SLC25A51: variants seen among roughly 807,000 people sequenced by gnomAD.
SLC25A51 encodes solute carrier family 25 member 51.
A neutral mutation model predicts 19.1 loss-of-function variants in SLC25A51; 11 were observed. The observed-to-expected ratio is 0.58, with a 90% CI of 0.36 to 0.96. The LOEUF (loss-of-function observed/expected upper bound fraction) is 0.96. SLC25A51 is among the 40% of genes least tolerant of loss of function. The pLI, the probability that SLC25A51 is intolerant of heterozygous loss-of-function variation, is 0.01. For missense variants in SLC25A51, 201 were observed against 365.4 expected, an observed-to-expected ratio of 0.55 and a Z score of 3.67; for synonymous variants, 105 against 133.6, an observed-to-expected ratio of 0.79 and a Z score of 1.47.
chr9:37,885,067 C>T (rs991564546), downstream of SLC25A51, among the ~76,000 whole-genome samples: 1 of 151,940 alleles, frequency 6.6e-6, no homozygotes, highest in African/African-American at 2.4e-5. Flanking sequence ...CTGTTCTGCC[C>T]CTTTGTCATA....
In SLC25A51 at chr9:37,888,043, C is replaced by T. The variant is rs1831501675; in HGVS notation, c.508G>A (p.Gly170Arg). Residue 170 changes from glycine (G) to arginine (R), a missense_variant, in exon 3 of 3, where the codon GGA (glycine) becomes AGA (arginine). Physicochemically the swap from Gly to Arg is moderately radical, Grantham distance 125. Transcript: ENST00000242275. Reference sequence around the variant, plus strand: ...GGCACCAAGCCTCGATAATACTCTCCAATTCCATGACATTTCAGTGCCTTG... The same window carrying T: ...GGCACCAAGCCTCGATAATACTCTCTAATTCCATGACATTTCAGTGCCTTG... Reference protein sequence around the residue: ...AFKALKCHGIGEYYRGLVPIL... With the variant: ...AFKALKCHGIREYYRGLVPIL... 3 of 1,613,374 alleles carry T rather than the reference C, an allele frequency of 1.9e-6. No homozygotes were observed. The highest frequency in any genetic ancestry group is 2.5e-6 in the Non-Finnish European group (3 of 1,179,870).
At chr9:37,898,232 A>G (rs73451252) in intron 2 of SLC25A51, among the ~76,000 whole-genome samples, 11,216 of 152,192 alleles carry the variant, frequency 0.074, 1,138 homozygotes, top group African/African-American at 0.23. Context: ...CCAACATGGC[A>G]AAACCCTATC....
intron 2 of SLC25A51, among the ~76,000 whole-genome samples, chr9:37,882,552 T>C (rs1169963196): frequency 1.3e-5 from 2 of 152,220 alleles, no homozygotes; most frequent in African/African-American, 4.8e-5. Context: ...CATGTTAAGA[T>C]GAATATCGAC....
At chr9:37,885,974 A>T, downstream of SLC25A51, 1 of 1,613,678 alleles carries the variant, frequency 6.2e-7, no homozygotes, top group South Asian at 1.1e-5. Flanking sequence ...GGTCACTTGG[A>T]TTGTGGAGTT....
chr9:37,890,334 T>G (rs922854600), intron 2 of SLC25A51, among the ~76,000 whole-genome samples: 1 of 152,140 alleles, frequency 6.6e-6, no homozygotes, highest in Non-Finnish European at 1.5e-5. Flanking sequence ...CAGTGAGCCA[T>G]GATTGCACCA....
At chr9:37,878,784 T>C (rs1831299070), downstream of SLC25A51, 1 of 160,504 alleles carries the variant, frequency 6.2e-6, no homozygotes, top group African/African-American at 2.4e-5. Context: ...AAAGACAGTC[T>C]TTTAATCATA....
chr9:37,877,782 T>A (rs1034318487), downstream of SLC25A51, among the ~76,000 whole-genome samples: 1 of 151,988 alleles, frequency 6.6e-6, no homozygotes, highest in African/African-American at 2.4e-5. Context: ...CTGAGGTGGG[T>A]GGATCACTTG....
At chr9:37,891,406 C>T (rs181670430) in intron 2 of SLC25A51, among the ~76,000 whole-genome samples, 2,248 of 152,106 alleles carry the variant, frequency 0.015, 25 homozygotes, top group Middle Eastern at 0.037. Flanking sequence ...GCGGTTTTGT[C>T]GAATAGAAAA....
At chr9:37,897,168 T>C (rs1486631857) in intron 2 of SLC25A51, among the ~76,000 whole-genome samples, 3 of 152,182 alleles carry the variant, frequency 2.0e-5, no homozygotes, top group Non-Finnish European at 4.4e-5. Context: ...ATAGATATTA[T>C]TTCTTACATC....
At chr9:37,903,691 C>T (rs930329502) in intron 1 of SLC25A51, 9 of 152,330 alleles carry the variant, frequency 5.9e-5, no homozygotes, top group African/African-American at 2.2e-4. Context: ...GCGGTGCCAT[C>T]CCCGCTGTCC....
chr9:37,883,402 A>G (rs1480725142), downstream of SLC25A51, among the ~76,000 whole-genome samples: 3 of 152,264 alleles, frequency 2.0e-5, no homozygotes, highest in African/African-American at 7.2e-5. Context: ...ACCATTAAAA[A>G]TATTTATTAA....
Position 37,887,873 on chromosome 9 carries a change from T to A in SLC25A51, c.678A>T (p.Gly226=), listed in dbSNP as rs1484446036. The change falls in exon 3 of 3, where the codon GGA becomes GGT. Residue 226 remains glycine (G), a synonymous_variant. Transcript: ENST00000242275. ...ICGGLLGAML[G]FLFFPINVVK... is the part of the protein sequence containing the mutation. ...CAACATTAATTGGAAAAAACAAGAA[T>A]CCCAACATGGCACCCAATAGACCTC... is the stretch of plus-strand genomic sequence containing the variant. The A allele has an allele frequency of 1.1e-5, 18 of 1,611,856 alleles. No homozygotes were observed. Among genetic ancestry groups the A allele is most frequent in the Admixed American group, 3.3e-5 (2 of 59,976 alleles).
intron 1 of SLC25A51, among the ~76,000 whole-genome samples, chr9:37,900,362 T>C (rs1831820030): frequency 2.0e-5 from 3 of 151,624 alleles, no homozygotes; most frequent in South Asian, 4.2e-4. Context: ...GGCAGGAGAA[T>C]TGCTTGAACC....
intron 1 of SLC25A51, among the ~76,000 whole-genome samples, chr9:37,901,008 G>C (rs1831834528): frequency 1.3e-5 from 2 of 152,120 alleles, no homozygotes; most frequent in South Asian, 4.2e-4. Context: ...TGGGACCACA[G>C]GCCCGCACCA....
At chr9:37,886,737 G>C (rs1220440420), downstream of SLC25A51, among the ~76,000 whole-genome samples, 1 of 152,178 alleles carries the variant, frequency 6.6e-6, no homozygotes, top group East Asian at 1.9e-4. Context: ...TTCCTTCTTA[G>C]TCAACCTGCA....
At chr9:37,894,624 C>A (rs1470523879) in intron 2 of SLC25A51, among the ~76,000 whole-genome samples, 1 of 152,098 alleles carries the variant, frequency 6.6e-6, no homozygotes, top group Non-Finnish European at 1.5e-5. Flanking sequence ...CTGGCCTGGC[C>A]TTTTACAAAA....
chr9:37,884,057 T>C (rs1320010045), downstream of SLC25A51, among the ~76,000 whole-genome samples: 1 of 152,246 alleles, frequency 6.6e-6, no homozygotes, highest in African/African-American at 2.4e-5. Context: ...TTGGTCAGTA[T>C]GTATAAATAT....
At chr9:37,878,313 G>C (rs879309868), downstream of SLC25A51, 1 of 170,278 alleles carries the variant, frequency 5.9e-6, no homozygotes, top group Non-Finnish European at 1.4e-5. Context: ...GTTGTTACAG[G>C]AAGCAGGTAT....
intron 1 of SLC25A51, among the ~76,000 whole-genome samples, chr9:37,902,429 T>C (rs141095754): frequency 6.6e-6 from 1 of 152,322 alleles, no homozygotes; most frequent in East Asian, 1.9e-4. Context: ...GAAAAAATGT[T>C]ATGAAACCCT....
Sources: gnomAD v4.1 joint callset for allele counts (sites outside exome capture counted in the v4.1 genomes callset) on GRCh38, gnomAD v4.1.1 for gene constraint, MANE v1.5 for transcripts, NCBI Gene and HGNC (gene_info 2026-07-23, HGNC 2026-07-21) for gene names.